The following LARGE1 variants were observed in gnomAD, a reference collection of about 807,000 sequenced individuals.
LARGE1 encodes LARGE xylosyl- and glucuronyltransferase 1.
Under a neutral mutation model 87.6 loss-of-function variants are expected in LARGE1, and 43 were observed. The observed-to-expected ratio is 0.49, with a 90% CI of 0.38 to 0.63. LARGE1 has a LOEUF of 0.63. LARGE1 is among the 30% of genes least tolerant of loss of function. LARGE1 has a pLI of 0.00. For missense variants in LARGE1, 802 were observed against 1,000.2 expected (o/e 0.80, Z 2.67); for synonymous variants, 434 against 394.6 (o/e 1.10, Z -1.18).
At chr22:33,714,264 G>A (rs2082845489) in intron 2 of LARGE1, among the ~76,000 whole-genome samples, 1 of 152,078 alleles carries the variant, frequency 6.6e-6, no homozygotes, top group Non-Finnish European at 1.5e-5. Context: ...GAAAAATGAG[G>A]AGCCCCTCGT....
At chr22:33,806,918 G>A (rs527437849) in intron 1 of LARGE1, among the ~76,000 whole-genome samples, 1 of 152,284 alleles carries the variant, frequency 6.6e-6, no homozygotes, top group Admixed American at 6.5e-5. Flanking sequence ...GCTGAGGCAG[G>A]AGAATCGCTT....
chr22:33,791,974 T>C (rs1418687133), intron 1 of LARGE1, among the ~76,000 whole-genome samples: 1 of 152,188 alleles, frequency 6.6e-6, no homozygotes, highest in Admixed American at 6.5e-5. Context: ...CCCCACAGGG[T>C]AGGCTTTTTT....
At chr22:33,824,894 GCA>G (rs1440036503) in intron 1 of LARGE1, among the ~76,000 whole-genome samples, 1 of 152,146 alleles carries the variant, frequency 6.6e-6, no homozygotes, top group Non-Finnish European at 1.5e-5. Context: ...ACATATTTTT[GCA>G]CAGTTTTGGG....
chr22:33,858,023 C>T (rs2063804782), intron 1 of LARGE1, among the ~76,000 whole-genome samples: 1 of 152,074 alleles, frequency 6.6e-6, no homozygotes, highest in Admixed American at 6.6e-5. Flanking sequence ...GGGTTCTTGG[C>T]CTCACAGATT....
intron 6 of LARGE1, among the ~76,000 whole-genome samples, chr22:33,534,270 G>C (rs5754591): frequency 0.54 from 82,134 of 151,850 alleles, 22,847 homozygotes; most frequent in Admixed American, 0.64. Context: ...CGGGCGTGGT[G>C]GTGGGCACCT....
intron 6 of LARGE1, among the ~76,000 whole-genome samples, chr22:33,563,983 T>C (rs944378678): frequency 1.3e-5 from 2 of 152,114 alleles, no homozygotes; most frequent in Non-Finnish European, 2.9e-5. Context: ...TTTATGAAAA[T>C]GCTGGGATTT....
At chr22:33,650,235 A>G (rs2080750758) in intron 3 of LARGE1, 132 bp downstream of exon 3, 1 of 1,145,134 alleles carries the variant, frequency 8.7e-7, no homozygotes, top group African/African-American at 1.5e-5. Flanking sequence ...AGCAAGCCAG[A>G]CTTACACACC....
At chr22:33,598,612 G>C (rs1199024491) in intron 5 of LARGE1, among the ~76,000 whole-genome samples, 1 of 152,014 alleles carries the variant, frequency 6.6e-6, no homozygotes, top group African/African-American at 2.4e-5. Flanking sequence ...TTATGAGTGA[G>C]AACATACAGA....
At chr22:33,838,596 G>A (rs1241766923) in intron 1 of LARGE1, among the ~76,000 whole-genome samples, 1 of 152,184 alleles carries the variant, frequency 6.6e-6, no homozygotes, top group Non-Finnish European at 1.5e-5. Context: ...AGCTATGATT[G>A]TGCCACTGCA....
chr22:33,291,128 G>T (rs1315764437), intron 12 of LARGE1, among the ~76,000 whole-genome samples: 1 of 152,150 alleles, frequency 6.6e-6, no homozygotes, highest in African/African-American at 2.4e-5. Context: ...TCAGGAAAAG[G>T]ATCCATGTCA....
intron 9 of LARGE1, among the ~76,000 whole-genome samples, chr22:33,371,614 C>T (rs761713810): frequency 1.4e-4 from 21 of 152,102 alleles, no homozygotes; most frequent in Non-Finnish European, 2.5e-4. Flanking sequence ...AATGATGATT[C>T]GCTTTGTGTA....
intron 11 of LARGE1, among the ~76,000 whole-genome samples, chr22:33,218,621 G>A (rs536332939): frequency 6.6e-6 from 1 of 152,200 alleles, no homozygotes; most frequent in East Asian, 1.9e-4. Flanking sequence ...GAGCTAAAAT[G>A]TATTGGGTGC....
At chr22:33,298,974 C>T (rs2146088969) in intron 12 of LARGE1, among the ~76,000 whole-genome samples, 1 of 151,714 alleles carries the variant, frequency 6.6e-6, no homozygotes, top group African/African-American at 2.4e-5. Flanking sequence ...TTTGGGAGGC[C>T]TGGGTGGGCG....
chr22:33,726,469 T>C (rs1307239340), intron 2 of LARGE1, among the ~76,000 whole-genome samples: 1 of 152,174 alleles, frequency 6.6e-6, no homozygotes, highest in Non-Finnish European at 1.5e-5. Flanking sequence ...AATATTAGCA[T>C]TATATAAATA....
chr22:33,103,915 G>A, the LARGE1 span, among the ~76,000 whole-genome samples: 1 of 152,022 alleles, frequency 6.6e-6, no homozygotes, highest in Non-Finnish European at 1.5e-5. Flanking sequence ...CTTCCACTTG[G>A]CTATCACTTC....
intron 6 of LARGE1, among the ~76,000 whole-genome samples, chr22:33,442,272 T>C (rs1046601205): frequency 6.6e-6 from 1 of 152,198 alleles, no homozygotes; most frequent in African/African-American, 2.4e-5. Context: ...GCCCCAACTC[T>C]GCACCAGGAT....
chr22:33,756,513 T>A (rs1014301808), intron 2 of LARGE1, among the ~76,000 whole-genome samples: 11 of 152,044 alleles, frequency 7.2e-5, no homozygotes, highest in Non-Finnish European at 2.9e-5. Context: ...CCCAAGGATC[T>A]AGGCAGCCAG....
chr22:33,538,547 A>G (rs2077102430), intron 6 of LARGE1, among the ~76,000 whole-genome samples: 1 of 152,118 alleles, frequency 6.6e-6, no homozygotes, highest in Admixed American at 6.5e-5. Context: ...ATGGAGCCAC[A>G]TTTTTTATTT....
intron 2 of LARGE1, among the ~76,000 whole-genome samples, chr22:33,747,193 A>C (rs1224368529): frequency 6.6e-6 from 1 of 152,170 alleles, no homozygotes; most frequent in African/African-American, 2.4e-5. Context: ...CCAGATTGAA[A>C]GGACTAAGCT....
Sources: gnomAD v4.1 joint callset for allele counts (sites outside exome capture counted in the v4.1 genomes callset) on GRCh38, gnomAD v4.1.1 for gene constraint, MANE v1.5 for transcripts, NCBI Gene and HGNC (gene_info 2026-07-23, HGNC 2026-07-21) for gene names.